SMYD3: variants seen among roughly 807,000 people sequenced by gnomAD.
SMYD3 encodes the protein histone-lysine N-methyltransferase SMYD3.
A neutral mutation model predicts 57.7 loss-of-function variants in SMYD3; 36 were observed. That is an observed-to-expected ratio of 0.62 (90% CI 0.48 to 0.82). The LOEUF (loss-of-function observed/expected upper bound fraction) is 0.82, where lower values mean the gene tolerates loss of function less well. Ranked by LOEUF, SMYD3 falls within the 40% of genes least tolerant of loss-of-function variation. The pLI is 0.00. For synonymous variants in SMYD3, 211 were observed against 195.0 expected (o/e 1.08, Z -0.68); for missense variants, 515 against 538.8 (o/e 0.96, Z 0.44).
chr1:245,838,875 C>T (rs1165185338), intron 10 of SMYD3, among the ~76,000 whole-genome samples: 1 of 152,210 alleles, frequency 6.6e-6, no homozygotes, highest in East Asian at 1.9e-4. Context: ...TACAATCCCA[C>T]CCGTATGAAA....
rs1276798075 is a variant in SMYD3, at chr1:246,478,883, C to T, written c.164+28171G>A. ...TGCTCATATATGCACACCTGTCCTC[C>T]GTCCTGGAGCTGGTACATAAGTGCT... On this transcript the variant is annotated intron_variant, in intron 1 of 11. Transcript: ENST00000490107. Among the ~76,000 whole-genome samples the T allele has an allele frequency of 2.1e-3, 203 of 94,646 alleles. 28 individuals are homozygous for T. Among genetic ancestry groups the T allele is most frequent in the East Asian group, 4.8e-3 (11 of 2,292 alleles). 62.1% of individuals were successfully genotyped at this position (94,646 alleles called of 152,430 possible). A position where few individuals can be genotyped will look rare whatever the true frequency, so the allele number is the denominator to read the frequency against.
intron 11 of SMYD3, among the ~76,000 whole-genome samples, chr1:245,750,843 G>T (rs2045317262): frequency 6.6e-6 from 1 of 152,110 alleles, no homozygotes; most frequent in African/African-American, 2.4e-5. Flanking sequence ...TGCACCCAAA[G>T]TACCTGGAAG....
chr1:246,485,546 C>A (rs1025166522), intron 1 of SMYD3, among the ~76,000 whole-genome samples: 3 of 152,124 alleles, frequency 2.0e-5, no homozygotes, highest in Non-Finnish European at 2.9e-5. Context: ...CTTTGGGAGG[C>A]TGATGCAAGA....
intron 1 of SMYD3, among the ~76,000 whole-genome samples, chr1:246,451,185 A>G (rs1296963529): frequency 6.6e-6 from 1 of 152,236 alleles, no homozygotes; most frequent in South Asian, 2.1e-4. Flanking sequence ...CCTTCAATAA[A>G]TATCTGTTAG....
At chr1:245,937,053 C>T (rs949996606) in intron 5 of SMYD3, among the ~76,000 whole-genome samples, 23 of 151,988 alleles carry the variant, frequency 1.5e-4, no homozygotes, top group Admixed American at 5.2e-4. Flanking sequence ...CTCTTTATCC[C>T]ACCACACATG....
At chr1:246,200,291 C>G (rs1335125750) in intron 5 of SMYD3, among the ~76,000 whole-genome samples, 42 of 151,518 alleles carry the variant, frequency 2.8e-4, no homozygotes, top group South Asian at 4.2e-4. Flanking sequence ...AGAATGTACA[C>G]AGACGCCCAC....
intron 5 of SMYD3, among the ~76,000 whole-genome samples, chr1:246,043,117 T>G (rs1023730514): frequency 7.3e-5 from 11 of 150,954 alleles, no homozygotes; most frequent in African/African-American, 2.7e-4. Context: ...CACTTAAGTA[T>G]GCACATGTAC....
At chr1:246,192,684 G>A (rs537189185) in intron 5 of SMYD3, among the ~76,000 whole-genome samples, 1 of 152,206 alleles carries the variant, frequency 6.6e-6, no homozygotes, top group South Asian at 2.1e-4. Context: ...AAAGGGTTAA[G>A]GGAAAAGAAA....
intron 8 of SMYD3, among the ~76,000 whole-genome samples, chr1:245,870,353 C>T (rs890201284): frequency 9.9e-5 from 15 of 152,184 alleles, no homozygotes; most frequent in African/African-American, 2.2e-4. Context: ...CCTCCCCCAG[C>T]ACAGGAAACC....
At chr1:245,918,706 A>C (rs2055634800) in intron 7 of SMYD3, among the ~76,000 whole-genome samples, 1 of 152,230 alleles carries the variant, frequency 6.6e-6, no homozygotes, top group South Asian at 2.1e-4. Context: ...ATCTTATACT[A>C]TCAGGCTCTG....
intron 8 of SMYD3, among the ~76,000 whole-genome samples, chr1:245,870,161 C>A (rs945348608): frequency 6.6e-6 from 1 of 152,190 alleles, no homozygotes; most frequent in Non-Finnish European, 1.5e-5. Context: ...GAATAAAATA[C>A]CTTAACTCCA....
chr1:246,143,565 G>A (rs1558265175), intron 5 of SMYD3, among the ~76,000 whole-genome samples: 1 of 152,144 alleles, frequency 6.6e-6, no homozygotes, highest in Non-Finnish European at 1.5e-5. Flanking sequence ...CTACTTGGGA[G>A]GCTGAGGTGG....
At chr1:246,464,409 C>T (rs1052933607) in intron 1 of SMYD3, among the ~76,000 whole-genome samples, 2 of 151,950 alleles carry the variant, frequency 1.3e-5, no homozygotes, top group South Asian at 2.1e-4. Flanking sequence ...CCCAGCTACT[C>T]GGGAGGCTGA....
In SMYD3 at chr1:246,081,433, C is replaced by G. The variant is rs571227581; in HGVS notation, c.532-151496G>C. Among the ~76,000 whole-genome samples the G allele has an allele frequency of 4.6e-5, 7 of 152,188 alleles. No homozygotes were observed. In the South Asian group the frequency reaches 1.0e-3, roughly 23 times the overall value. ...TTTGAGACAGAGTCTCACTCTGTCA[C>G]CCATACTGGAGTGCAGTGGTGTGAT... On this transcript the variant is annotated intron_variant, in intron 5 of 11. Coordinates refer to ENST00000490107, the MANE Select transcript of SMYD3 (RefSeq NM_001167740.2).
intron 1 of SMYD3, among the ~76,000 whole-genome samples, chr1:246,372,403 A>C (rs1328081232): frequency 6.6e-6 from 1 of 152,162 alleles, no homozygotes; most frequent in African/African-American, 2.4e-5. Context: ...GCAGCCAGAG[A>C]GTTTAAGAAT....
chr1:246,237,669 G>A (rs973343614), intron 5 of SMYD3, among the ~76,000 whole-genome samples: 1 of 152,146 alleles, frequency 6.6e-6, no homozygotes, highest in Non-Finnish European at 1.5e-5. Context: ...AGTATGCACA[G>A]AACTTTAAAA....
At chr1:246,376,378 G>A (rs943563517) in intron 1 of SMYD3, among the ~76,000 whole-genome samples, 3 of 151,730 alleles carry the variant, frequency 2.0e-5, no homozygotes, top group Non-Finnish European at 4.4e-5. Context: ...ATCACCTGAG[G>A]TCAGGAGTTC....
chr1:245,833,399 T>C (rs1428304031), intron 10 of SMYD3, among the ~76,000 whole-genome samples: 1 of 152,252 alleles, frequency 6.6e-6, no homozygotes, highest in African/African-American at 2.4e-5. Flanking sequence ...AGTTTCTCAA[T>C]CTTTTCTTGA....
chr1:246,078,405 A>AG (rs1345100837), intron 5 of SMYD3, among the ~76,000 whole-genome samples: 1 of 152,162 alleles, frequency 6.6e-6, no homozygotes, highest in African/African-American at 2.4e-5. Context: ...CACCGTGATA[A>AG]GGAAGGCTTC....
Sources: gnomAD v4.1 joint callset for allele counts (sites outside exome capture counted in the v4.1 genomes callset) on GRCh38, gnomAD v4.1.1 for gene constraint, MANE v1.5 for transcripts, NCBI Gene and HGNC (gene_info 2026-07-23, HGNC 2026-07-21) for gene names.